The following KATNAL1 variants were observed in gnomAD, a reference collection of about 807,000 sequenced individuals.
The protein encoded by KATNAL1 is katanin catalytic subunit A1 like 1.
Under a neutral mutation model 55.2 loss-of-function variants are expected in KATNAL1, and 32 were observed. That is an observed-to-expected ratio of 0.58 (90% CI 0.44 to 0.78). The LOEUF (loss-of-function observed/expected upper bound fraction) is 0.78. KATNAL1 is among the 30% of genes least tolerant of loss of function. The pLI is 0.00. For synonymous variants in KATNAL1, 193 were observed against 193.6 expected (o/e 1.00, Z 0.02); for missense variants, 466 against 600.9 (o/e 0.78, Z 2.35).
chr13:30,243,109 A>G (rs1261849620), intron 4 of KATNAL1, among the ~76,000 whole-genome samples: 2 of 152,228 alleles, frequency 1.3e-5, no homozygotes, highest in Admixed American at 6.5e-5. Flanking sequence ...TTAGATTTTC[A>G]TATGAGTTGA....
chr13:30,241,868 A>C (rs1593873765), intron 4 of KATNAL1, among the ~76,000 whole-genome samples: 1 of 152,352 alleles, frequency 6.6e-6, no homozygotes, highest in East Asian at 1.9e-4. Context: ...CCTTCAAGCC[A>C]CTAGGTAAGT....
At chr13:30,287,444 G>GT (rs1881863338) in intron 1 of KATNAL1, among the ~76,000 whole-genome samples, 1 of 152,204 alleles carries the variant, frequency 6.6e-6, no homozygotes, top group African/African-American at 2.4e-5. Context: ...CGCCATGATT[G>GT]TAAGTTTCCT....
intron 1 of KATNAL1, among the ~76,000 whole-genome samples, chr13:30,287,235 C>T (rs1209963259): frequency 1.3e-5 from 2 of 152,164 alleles, no homozygotes; most frequent in African/African-American, 4.8e-5. Flanking sequence ...GTGTTCCCAC[C>T]CAAATCTCAC....
chr13:30,240,115 C>T (rs1877114611), intron 6 of KATNAL1, among the ~76,000 whole-genome samples: 1 of 152,158 alleles, frequency 6.6e-6, no homozygotes, highest in Non-Finnish European at 1.5e-5. Flanking sequence ...ACTGTTTGAT[C>T]ACACCTTTCT....
chr13:30,278,230 T>C (rs1393098633), intron 3 of KATNAL1, among the ~76,000 whole-genome samples: 1 of 151,006 alleles, frequency 6.6e-6, no homozygotes. Flanking sequence ...TTCCAGACAA[T>C]ATACAATCTG....
At chr13:30,271,773 C>T (rs1444009427) in intron 3 of KATNAL1, among the ~76,000 whole-genome samples, 1 of 150,642 alleles carries the variant, frequency 6.6e-6, no homozygotes, top group African/African-American at 2.4e-5. Context: ...GGGTAAGGAC[C>T]TTCTTTCTAC....
Position 30,280,150 on chromosome 13 carries a change from T to C in KATNAL1, c.236A>G (p.Asp79Gly). ...GGACACAGGGAAATCTGGAGGCTTGTCAATTTTAAAACTTTCTAAAGTGCT... is the reference window on the plus strand; with the variant it reads ...GGACACAGGGAAATCTGGAGGCTTGCCAATTTTAAAACTTTCTAAAGTGCT... ...IVSTLESFKI[D>G]KPPDFPVSCQ... The change falls in exon 3 of 11, where the codon GAC (aspartate) becomes GGC (glycine). Residue 79 changes from aspartate to glycine, a missense_variant. By Grantham distance (94) the Asp-to-Gly change is moderately conservative. Coordinates refer to ENST00000380615, the MANE Select transcript of KATNAL1 (RefSeq NM_032116.5). 1 of 1,613,566 alleles carries C rather than the reference T, an allele frequency of 6.2e-7. No individual in the cohort carries two copies. The highest frequency in any genetic ancestry group is 1.7e-4 in the Middle Eastern group (1 of 6,060).
chr13:30,269,318 G>A (rs1445722062), intron 3 of KATNAL1, among the ~76,000 whole-genome samples: 4 of 152,238 alleles, frequency 2.6e-5, no homozygotes, highest in African/African-American at 4.8e-5. Context: ...TCCTAACCGC[G>A]AGTGATCCAC....
intron 1 of KATNAL1, among the ~76,000 whole-genome samples, chr13:30,295,374 T>C (rs767934333): frequency 2.1e-4 from 32 of 152,170 alleles, no homozygotes; most frequent in Non-Finnish European, 8.8e-5. Context: ...AAGACTTTAT[T>C]GGAGGAAATC....
Position 30,220,844 on chromosome 13 carries a change from C to A in KATNAL1, c.1147+6568G>T, listed in dbSNP as rs1874782238. ...CCGCCTGAGTAGCTGGAATTACAGG[C>A]ACCTGCTACCACGTCTGGCTAACTT... On this transcript the variant is annotated intron_variant, in intron 9 of 10. Coordinates refer to ENST00000380615, the MANE Select transcript of KATNAL1 (RefSeq NM_032116.5). Among the ~76,000 whole-genome samples, 4 of 152,020 alleles carry A rather than the reference C, an allele frequency of 2.6e-5. No homozygotes were observed. The East Asian group carries it at 7.8e-4, about 30-fold the overall frequency.
intron 9 of KATNAL1, among the ~76,000 whole-genome samples, chr13:30,211,415 A>T (rs1288172260): frequency 1.3e-5 from 2 of 152,216 alleles, no homozygotes; most frequent in East Asian, 3.8e-4. Flanking sequence ...AGGTAGACAT[A>T]GCATTTCTCA....
At chr13:30,274,881 G>GCACA (rs1395944506) in intron 3 of KATNAL1, among the ~76,000 whole-genome samples, 2 of 135,516 alleles carry the variant, frequency 1.5e-5, no homozygotes, top group African/African-American at 5.6e-5. Context: ...CGGGGTGTGT[G>GCACA]CACACACATA....
chr13:30,221,881 G>A (rs929326007), intron 9 of KATNAL1, among the ~76,000 whole-genome samples: 5 of 152,058 alleles, frequency 3.3e-5, no homozygotes, highest in African/African-American at 7.2e-5. Context: ...AGGAAACCCT[G>A]TCTCTATTAA....
intron 6 of KATNAL1, among the ~76,000 whole-genome samples, chr13:30,238,576 G>A (rs916549374): frequency 3.3e-5 from 5 of 152,114 alleles, no homozygotes; most frequent in Admixed American, 1.3e-4. Context: ...CCAACATAGC[G>A]AAATCCTCAC....
rs200282256 is a variant in KATNAL1 at position 30,231,856 on chromosome 13, G to A, written c.727-384C>T. Reference sequence around the variant, plus strand: ...AAGACATTTTCTATCACATGTGGCAGAATTACACATTCTTTACCCTCTATA... The same window carrying A: ...AAGACATTTTCTATCACATGTGGCAAAATTACACATTCTTTACCCTCTATA... On this transcript the variant is annotated intron_variant, in intron 6 of 10. Coordinates refer to ENST00000380615, the MANE Select transcript of KATNAL1 (RefSeq NM_032116.5). Among the ~76,000 whole-genome samples the A allele has an allele frequency of 2.6e-5, 4 of 152,132 alleles. No homozygotes were observed. In the East Asian group the frequency reaches 7.7e-4, roughly 29 times the overall value.
chr13:30,253,294 AT>A (rs1452832323), intron 4 of KATNAL1, among the ~76,000 whole-genome samples: 2 of 152,198 alleles, frequency 1.3e-5, no homozygotes, highest in Non-Finnish European at 2.9e-5. Flanking sequence ...CATATCTTTT[AT>A]CTCCAAACAA....
intron 1 of KATNAL1, among the ~76,000 whole-genome samples, chr13:30,305,895 T>C (rs9506288): frequency 0.53 from 80,128 of 152,102 alleles, 22,159 homozygotes; most frequent in African/African-American, 0.69. Context: ...TCAAACCTTA[T>C]GTTGTATCAC....
intron 1 of KATNAL1, among the ~76,000 whole-genome samples, chr13:30,284,335 A>T (rs543603671): frequency 6.6e-6 from 1 of 152,366 alleles, no homozygotes; most frequent in African/African-American, 2.4e-5. Flanking sequence ...ACTTACAGGT[A>T]CATAAAACCG....
chr13:30,245,902 G>A (rs1245035852), intron 4 of KATNAL1, among the ~76,000 whole-genome samples: 2 of 152,038 alleles, frequency 1.3e-5, no homozygotes, highest in East Asian at 1.9e-4. Context: ...AAGAGAGGAC[G>A]CAAACTAATG....
Sources: gnomAD v4.1 joint callset for allele counts (sites outside exome capture counted in the v4.1 genomes callset) on GRCh38, gnomAD v4.1.1 for gene constraint, MANE v1.5 for transcripts, NCBI Gene and HGNC (gene_info 2026-07-23, HGNC 2026-07-21) for gene names.